MX1: variants seen among roughly 807,000 people sequenced by gnomAD.
The protein encoded by MX1 is MX dynamin like GTPase 1, also known as interferon-induced GTP-binding protein Mx1.
Under a neutral mutation model 66.4 loss-of-function variants are expected in MX1, and 66 were observed. That is an observed-to-expected ratio of 0.99 (90% CI 0.82 to 1.22). The LOEUF (loss-of-function observed/expected upper bound fraction) is 1.22, where lower values mean the gene tolerates loss of function less well. MX1 is among the 50% of genes most tolerant of loss of function. The probability of loss-of-function intolerance (pLI) is 0.00; values close to 1 mark genes in which losing one functional copy is unlikely to be tolerated. For synonymous variants in MX1, 311 were observed against 318.1 expected (o/e 0.98, Z 0.24); for missense variants, 787 against 834.3 (o/e 0.94, Z 0.70).
At chr21:41,426,205 G>C (rs2090054803), upstream of MX1, 1 of 156,420 alleles carries the variant, frequency 6.4e-6, no homozygotes, top group South Asian at 2.1e-4. Context: ...GGGGCTGGGC[G>C]CGGGGTGAAA....
At chr21:41,428,840 G>C (rs1019783597) in intron 3 of MX1, 1 of 152,244 alleles carries the variant, frequency 6.6e-6, no homozygotes. Context: ...TCCATTTTGA[G>C]ACATTAGGGT....
chr21:41,452,814 C>T lies in MX1; in HGVS notation c.1703C>T (p.Ser568Leu), dbSNP rs201649510. 7 of 1,614,114 alleles carry T rather than the reference C, an allele frequency of 4.3e-6. No homozygotes were observed. The Admixed American group carries it at 5.0e-5, about 12-fold the overall frequency. The change falls in exon 16 of 17, where the codon TCG becomes TTG. Residue 568 changes from serine to leucine, a missense_variant. Transcript: ENST00000398598. ...SWDFGAFQSSSATDSSMEEIF... is the reference protein window; with the variant it reads ...SWDFGAFQSSLATDSSMEEIF... ...GATTTTGGGGCTTTCCAGTCCAGCTCGGCAACAGACTCTTCCATGGAGGAG... is the reference window on the plus strand; with the variant it reads ...GATTTTGGGGCTTTCCAGTCCAGCTTGGCAACAGACTCTTCCATGGAGGAG...
chr21:41,435,760 G>T, intron 5 of MX1, 77 bp from the exon 6 acceptor site: 1 of 1,477,400 alleles, frequency 6.8e-7, no homozygotes, highest in Non-Finnish European at 9.3e-7. Context: ...TGAGATTTGG[G>T]TAGGGACACA....
intron 13 of MX1, among the ~76,000 whole-genome samples, 183 bp from the exon 14 acceptor site, chr21:41,448,954 G>A (rs34747936): frequency 1.4e-5 from 1 of 71,900 alleles, no homozygotes. Context: ...GTGTGTGTGT[G>A]TGTGTGTGTG....
At chr21:41,454,735 G>C (rs1259243530) in intron 16 of MX1, among the ~76,000 whole-genome samples, 2 of 152,130 alleles carry the variant, frequency 1.3e-5, no homozygotes, top group African/African-American at 4.8e-5. Context: ...GTAAACACCT[G>C]AGGAGGTAAA....
chr21:41,446,048 G>A lies in MX1; in HGVS notation c.1180G>A (p.Glu394Lys), dbSNP rs753681099. The A allele has an allele frequency of 2.0e-5, 33 of 1,613,992 alleles. No individual in the cohort carries two copies. The South Asian group carries it at 3.6e-4, about 18-fold the overall frequency. The part of the protein sequence containing the change: ...QDITALMQGE[E>K]TVGEEDIRLF... ...CATCACTGCTCTCATGCAAGGAGAGGAAACTGTAGGGGAGGAAGACATTCG... is the reference window on the plus strand; with the variant it reads ...CATCACTGCTCTCATGCAAGGAGAGAAAACTGTAGGGGAGGAAGACATTCG... Residue 394 changes from glutamate (E) to lysine (K), a missense_variant, in exon 13 of 17, where the codon GAA becomes AAA. Glu to Lys is a moderately conservative substitution (Grantham distance 56). Coordinates refer to ENST00000398598, the MANE Select transcript of MX1 (RefSeq NM_002462.5).
At chr21:41,447,186 G>A (rs1015306627) in intron 13 of MX1, among the ~76,000 whole-genome samples, 1 of 152,170 alleles carries the variant, frequency 6.6e-6, no homozygotes, top group Non-Finnish European at 1.5e-5. Context: ...TCCTTGCCTT[G>A]CAGATGGCCT....
chr21:41,423,696 C>T (rs2090016149), upstream of MX1, among the ~76,000 whole-genome samples: 1 of 152,138 alleles, frequency 6.6e-6, no homozygotes, highest in African/African-American at 2.4e-5. Context: ...TAGACAGGAG[C>T]TATTATTGTA....
rs927226430 is a variant in MX1, at chr21:41,436,124, G to C, written c.298+95G>C. The stretch of plus-strand genomic sequence containing the variant: ...TACAACAAAAGTTTATTTTCTCACA[G>C]TTCTGGAGACTGGAAGTCCAAAATC... On this transcript the variant is annotated intron_variant, in intron 6 of 16. Transcript: ENST00000398598. 101 of 1,428,474 alleles carry C rather than the reference G, an allele frequency of 7.1e-5. 1 individual carries two copies. The South Asian group carries it at 1.4e-3, about 19-fold the overall frequency. 88.5% of individuals were successfully genotyped at this position (1,428,474 alleles called of 1,614,324 possible).
upstream of MX1, among the ~76,000 whole-genome samples, chr21:41,424,441 A>G (rs986164175): frequency 6.6e-6 from 1 of 152,156 alleles, no homozygotes; most frequent in African/African-American, 2.4e-5. Flanking sequence ...GTGCAGCAGT[A>G]TTGAATTTGA....
Position 41,458,840 on chromosome 21 carries a change from T to A in MX1, c.*82T>A, listed in dbSNP as rs1324719416. On this transcript the variant is annotated 3_prime_UTR_variant, in exon 17 of 17. Coordinates refer to ENST00000398598, the MANE Select transcript of MX1 (RefSeq NM_002462.5). ...GTAGCCACTGGACTGACGACTTGAG[T>A]GCTCAGTAGTCAGACTGGATAGTCC... 6.6e-7 allele frequency: 1 copy of A among 1,524,838 alleles called. No individual in the cohort carries two copies. The allele number at this position is 1,524,838 out of a possible 1,614,324, so 94.5% of individuals were successfully genotyped here.
chr21:41,438,808 A>T (rs1200860487), intron 7 of MX1, among the ~76,000 whole-genome samples: 3 of 152,204 alleles, frequency 2.0e-5, no homozygotes, highest in African/African-American at 4.8e-5. Context: ...AGGCGGGCAG[A>T]CCAGAGCTGA....
chr21:41,451,091 C>G (rs949296582), intron 14 of MX1, 76 bp from the exon 15 acceptor site: 7 of 972,648 alleles, frequency 7.2e-6, no homozygotes, highest in Non-Finnish European at 1.2e-5. Flanking sequence ...ACCATTTGAT[C>G]CTCATATTTT....
At chr21:41,431,834 G>C in intron 4 of MX1, 1 of 488,058 alleles carries the variant, frequency 2.0e-6, no homozygotes, top group Non-Finnish European at 3.7e-6. Context: ...ATCTGACCTT[G>C]GCTTCTTTGG....
chr21:41,434,821 A>G (rs1257246981), intron 5 of MX1, among the ~76,000 whole-genome samples: 1 of 152,246 alleles, frequency 6.6e-6, no homozygotes, highest in African/African-American at 2.4e-5. Context: ...TTAAATAAAG[A>G]TAGCAAAGGA....
Position 41,441,680 on chromosome 21 carries a change from G to A in MX1, c.731-36G>A, listed in dbSNP as rs746234993. The A allele has an allele frequency of 6.2e-7, 1 of 1,610,446 alleles. No homozygotes were observed. Among genetic ancestry groups the A allele is most frequent in the South Asian group, 1.1e-5 (1 of 90,876 alleles). ...GTTCGTTCACCTCTGCCTCGTGACT[G>A]AGCACGTTCTCTCCCCAAATACATC... On this transcript the variant is annotated intron_variant, in intron 9 of 16. Transcript: ENST00000398598. This position sits in a 1 kb window ranked among gnomAD's most constrained non-coding sequence, Gnocchi z 4.0.
In MX1 at chr21:41,446,000, A is replaced by G. The variant is rs1372977670; in HGVS notation, c.1132A>G (p.Lys378Glu). The change falls in exon 13 of 17, where the codon AAA (lysine) becomes GAA (glutamate). Residue 378 changes from lysine to glutamate, a missense_variant and splice_region_variant. Physicochemically the swap from Lys to Glu is moderately conservative, Grantham distance 56. Coordinates refer to ENST00000398598, the MANE Select transcript of MX1 (RefSeq NM_002462.5). ...ENEKMFFLID[K>E]VNAFNQDITA... ...ATACTGATGTTTTTCTTCTTGACAGAAAGTTAATGCCTTTAATCAGGACAT... is the reference window on the plus strand; with the variant it reads ...ATACTGATGTTTTTCTTCTTGACAGGAAGTTAATGCCTTTAATCAGGACAT... 6.2e-7 allele frequency: 1 copy of G among 1,613,446 alleles called. No individual in the cohort carries two copies. The highest frequency in any genetic ancestry group is 1.3e-5 in the African/African-American group (1 of 74,936).
intron 4 of MX1, chr21:41,431,763 G>A (rs2090219178): frequency 1.0e-5 from 3 of 289,050 alleles, no homozygotes; most frequent in Non-Finnish European, 1.3e-5. Context: ...CGTGAGCCCC[G>A]GGGCCCGGCC....
intron 1 of MX1, chr21:41,426,685 G>C (rs762895768): frequency 1.3e-5 from 2 of 152,236 alleles, no homozygotes; most frequent in Non-Finnish European, 2.9e-5. Flanking sequence ...GCTTTCCGTC[G>C]ACTTCTATTT....
Sources: gnomAD v4.1 joint callset for allele counts (sites outside exome capture counted in the v4.1 genomes callset) on GRCh38, gnomAD v4.1.1 for gene constraint, Gnocchi (gnomAD v3.1) non-coding constraint, MANE v1.5 for transcripts, NCBI Gene and HGNC (gene_info 2026-07-23, HGNC 2026-07-21) for gene names.